MCF2L2: variants seen among roughly 807,000 people sequenced by gnomAD.
MCF2L2 encodes the protein MCF.2 cell line derived transforming sequence-like 2, also known as probable guanine nucleotide exchange factor MCF2L2.
In MCF2L2, 102 loss-of-function variants were observed where a neutral mutation model predicts 150.2. That is an observed-to-expected ratio of 0.68 (90% CI 0.58 to 0.80). The LOEUF is 0.80. Among genes scored for constraint, MCF2L2 ranks in the 30% least tolerant of loss-of-function variants. The pLI is 0.00. For missense variants in MCF2L2, 1,256 were observed against 1,372.8 expected, an observed-to-expected ratio of 0.91 and a Z score of 1.34; for synonymous variants, 465 against 491.3, an observed-to-expected ratio of 0.95 and a Z score of 0.71.
At position 183,180,082 on chromosome 3, in the gene MCF2L2, T is replaced by G. The variant is rs1333134047; in HGVS notation, c.3094A>C (p.Ser1032Arg). 3 of 1,613,556 alleles carry G rather than the reference T, an allele frequency of 1.9e-6. No homozygotes were observed. The highest frequency in any genetic ancestry group is 1.7e-5 in the Admixed American group (1 of 60,006). The change falls in exon 28 of 30, where the codon AGT becomes CGT. Residue 1032 changes from serine to arginine, a missense_variant. Physicochemically the swap from Ser to Arg is moderately radical, Grantham distance 110. Transcript: ENST00000328913. Reference sequence around the variant, plus strand: ...AGGGAAGTAATTACACTCAGAGCACTGCTCTCCTTTTCCATGTCTTCTGCG... The same window carrying G: ...AGGGAAGTAATTACACTCAGAGCACGGCTCTCCTTTTCCATGTCTTCTGCG... ...EGAEDMEKES[S>R]ALSLAGLFQS...
intron 5 of MCF2L2, among the ~76,000 whole-genome samples, chr3:183,324,951 T>C (rs989245603): frequency 1.3e-5 from 2 of 151,516 alleles, no homozygotes; most frequent in African/African-American, 2.4e-5. Context: ...ATAAAAAATG[T>C]AGAGTTCATG....
chr3:183,272,221 G>C (rs1726838885), intron 15 of MCF2L2: 1 of 999,674 alleles, frequency 1.0e-6, no homozygotes, highest in South Asian at 4.7e-5. Flanking sequence ...ATTTTACAAA[G>C]CAGGATAAAA....
chr3:183,192,177 G>A (rs2108634926), intron 27 of MCF2L2, among the ~76,000 whole-genome samples: 1 of 151,230 alleles, frequency 6.6e-6, no homozygotes, highest in Non-Finnish European at 1.5e-5. Context: ...GTCTCACTCT[G>A]TCGGCCAGGC....
At chr3:183,226,333 C>T (rs187945154) in intron 18 of MCF2L2, 235 of 152,164 alleles carry the variant, frequency 1.5e-3, no homozygotes, top group African/African-American at 5.4e-3. Context: ...ATCCCAGCTA[C>T]GAGGGAGGGT....
At chr3:183,322,993 G>A (rs571214880) in intron 6 of MCF2L2, among the ~76,000 whole-genome samples, 3 of 152,102 alleles carry the variant, frequency 2.0e-5, no homozygotes, top group Non-Finnish European at 4.4e-5. Flanking sequence ...AGGTGCATTC[G>A]AAGGTAAGTG....
intron 27 of MCF2L2, among the ~76,000 whole-genome samples, chr3:183,189,054 G>C (rs1021176091): frequency 2.0e-5 from 3 of 152,168 alleles, no homozygotes; most frequent in Non-Finnish European, 4.4e-5. Flanking sequence ...GTCTTCTCAA[G>C]GGACAGTACC....
chr3:183,346,646 G>A (rs1265907921), intron 3 of MCF2L2, among the ~76,000 whole-genome samples: 2 of 152,126 alleles, frequency 1.3e-5, no homozygotes, highest in Non-Finnish European at 2.9e-5. Context: ...TGACATGATT[G>A]TATATTTAGA....
intron 1 of MCF2L2, among the ~76,000 whole-genome samples, chr3:183,394,948 C>T (rs767987524): frequency 1.1e-4 from 16 of 152,086 alleles, no homozygotes; most frequent in Non-Finnish European, 2.2e-4. Context: ...CTTATGTGGT[C>T]GATTCCATAC....
chr3:183,332,569 C>T (rs1247552493), intron 5 of MCF2L2, among the ~76,000 whole-genome samples: 1 of 152,070 alleles, frequency 6.6e-6, no homozygotes, highest in Admixed American at 6.6e-5. Flanking sequence ...GTATAAAACA[C>T]GTGTTTTATA....
At chr3:183,194,022 C>T (rs185140602) in intron 26 of MCF2L2, among the ~76,000 whole-genome samples, 1 of 152,220 alleles carries the variant, frequency 6.6e-6, no homozygotes, top group African/African-American at 2.4e-5. Flanking sequence ...TAGAGGAATT[C>T]ATGGTCTCAT....
intron 1 of MCF2L2, among the ~76,000 whole-genome samples, chr3:183,420,888 C>T (rs1314562826): frequency 6.6e-6 from 1 of 152,190 alleles, no homozygotes; most frequent in Non-Finnish European, 1.5e-5. Context: ...AGGTCCCTCC[C>T]TTAACATGTG....
At chr3:183,335,519 G>T (rs1577071213) in intron 5 of MCF2L2, among the ~76,000 whole-genome samples, 1 of 152,212 alleles carries the variant, frequency 6.6e-6, no homozygotes, top group African/African-American at 2.4e-5. Context: ...GGGGCTAGGA[G>T]GTGATTAGGT....
chr3:183,179,743 G>A lies in MCF2L2; in HGVS notation c.3106-51C>T, dbSNP rs902639879. 1 of 1,515,470 alleles carries A rather than the reference G, an allele frequency of 6.6e-7. No homozygotes were observed. The highest frequency in any genetic ancestry group is 9.1e-7 in the Non-Finnish European group (1 of 1,095,808). 93.9% of individuals were successfully genotyped at this position (1,515,470 alleles called of 1,614,324 possible). A position where few individuals can be genotyped will look rare whatever the true frequency, so the allele number is the denominator to read the frequency against. On this transcript the variant is annotated intron_variant, in intron 28 of 29. Coordinates refer to ENST00000328913, the MANE Select transcript of MCF2L2 (RefSeq NM_015078.4). The surrounding 1 kb of genome is among the most constrained non-coding windows in gnomAD (Gnocchi z 4.2). ...CTCAGAGTTATTGCTGGAGGCTGTGGCCAGACCGGGCAAGGTGGTGACTCC... is the reference window on the plus strand; with the variant it reads ...CTCAGAGTTATTGCTGGAGGCTGTGACCAGACCGGGCAAGGTGGTGACTCC...
At chr3:183,308,483 A>T (rs1183985438) in intron 10 of MCF2L2, among the ~76,000 whole-genome samples, 1 of 152,198 alleles carries the variant, frequency 6.6e-6, no homozygotes, top group Non-Finnish European at 1.5e-5. Flanking sequence ...CTGATGACTC[A>T]TGTGTCTTTA....
In MCF2L2 at chr3:183,311,165, T is replaced by A. The variant is rs767895245; in HGVS notation, c.879-136A>T. 230 of 605,396 alleles carry A rather than the reference T, an allele frequency of 3.8e-4. 1 individual carries two copies. Among genetic ancestry groups the A allele is most frequent in the Non-Finnish European group, 6.1e-4 (206 of 340,078 alleles). 37.5% of individuals were successfully genotyped at this position (605,396 alleles called of 1,614,324 possible). ...ACCATCTCATTATTATGAAAGCATG[T>A]GTCACCTATGCCTTTCTTCTGGCTC... On this transcript the variant is annotated intron_variant, in intron 8 of 29. Coordinates refer to ENST00000328913, the MANE Select transcript of MCF2L2 (RefSeq NM_015078.4).
At chr3:183,259,371 G>T (rs1327522466) in intron 15 of MCF2L2, among the ~76,000 whole-genome samples, 2 of 151,978 alleles carry the variant, frequency 1.3e-5, no homozygotes, top group African/African-American at 4.8e-5. Context: ...TAAAGGGCTG[G>T]GTATGCATTT....
At chr3:183,247,557 G>A (rs1724315093) in intron 15 of MCF2L2, among the ~76,000 whole-genome samples, 1 of 152,024 alleles carries the variant, frequency 6.6e-6, no homozygotes, top group Admixed American at 6.6e-5. Flanking sequence ...CAAGTAACTC[G>A]GTAATCTTCA....
chr3:183,214,676 G>A (rs1486946937), intron 22 of MCF2L2, among the ~76,000 whole-genome samples: 1 of 151,926 alleles, frequency 6.6e-6, no homozygotes, highest in African/African-American at 2.4e-5. Flanking sequence ...AGAAGAGGGG[G>A]TCACAGAGAT....
chr3:183,185,601 T>C (rs1721665792), intron 27 of MCF2L2, among the ~76,000 whole-genome samples: 1 of 152,242 alleles, frequency 6.6e-6, no homozygotes. Context: ...TGTGTGCTGC[T>C]AACCAATTTC....
Sources: gnomAD v4.1 joint callset for allele counts (sites outside exome capture counted in the v4.1 genomes callset) on GRCh38, gnomAD v4.1.1 for gene constraint, Gnocchi (gnomAD v3.1) non-coding constraint, MANE v1.5 for transcripts, NCBI Gene and HGNC (gene_info 2026-07-23, HGNC 2026-07-21) for gene names.